The following CDH18 variants were observed in gnomAD, a reference collection of about 807,000 sequenced individuals.
The protein encoded by CDH18 is cadherin 18.
CDH18 carries 31 observed loss-of-function variants against 67.9 expected under a neutral mutation model. The observed-to-expected ratio is 0.46, with a 90% confidence interval of 0.34 to 0.62. The LOEUF (loss-of-function observed/expected upper bound fraction) is 0.62, where lower values mean the gene tolerates loss of function less well. Ranked by LOEUF, CDH18 falls within the 20% of genes least tolerant of loss-of-function variation. The pLI is 0.01. For missense variants in CDH18, 890 were observed against 975.5 expected (o/e 0.91, Z 1.17); for synonymous variants, 362 against 347.2 (o/e 1.04, Z -0.48).
rs59764100 is a variant in CDH18, at chr5:20,279,725, A to AAAAC, written c.-579-24221_-579-24220insGTTT. Among the ~76,000 whole-genome samples, 51 of 128,860 alleles carry AAAAC rather than the reference A, an allele frequency of 4.0e-4. 5 individuals carry two copies. Among genetic ancestry groups the AAAAC allele is most frequent in the Middle Eastern group, 3.8e-3 (1 of 262 alleles). 84.5% of individuals were successfully genotyped at this position (128,860 alleles called of 152,430 possible). The stretch of plus-strand genomic sequence containing the variant: ...AAAAAAAAAAAAAAAAAAAAAAAAA[A>AAAAC]AAAGCAAAAACTGTAAGAGCGAGAT... On this transcript the variant is annotated intron_variant, in intron 1 of 14. Transcript: ENST00000507958.
rs762895138 is a variant in CDH18, at chr5:19,692,832, GA to G, written c.643+28514del. ...TGTACAACAACATGGAAATTTCCCAGAAAAAAAAAACTTAAAAATAAAACTA... is the reference window on the plus strand; with the variant it reads ...TGTACAACAACATGGAAATTTCCCAGAAAAAAAAACTTAAAAATAAAACTA... On this transcript the variant is annotated intron_variant, in intron 5 of 12. Coordinates refer to ENST00000382275, the MANE Select transcript of CDH18 (RefSeq NM_004934.5). 7.1e-3 allele frequency among the ~76,000 whole-genome samples: 1,035 copies of G among 146,232 alleles called. 12 individuals are homozygous for G. The highest frequency in any genetic ancestry group is 0.025 in the African/African-American group (994 of 40,134).
chr5:20,503,978 C>T (rs547914026), intron 1 of CDH18, among the ~76,000 whole-genome samples: 21 of 151,110 alleles, frequency 1.4e-4, no homozygotes, highest in African/African-American at 4.6e-4. Flanking sequence ...GCGGAGGTTG[C>T]AGTGAGCCCA....
chr5:20,345,876 A>G (rs1740658916), intron 1 of CDH18, among the ~76,000 whole-genome samples: 1 of 152,156 alleles, frequency 6.6e-6, no homozygotes, highest in African/African-American at 2.4e-5. Context: ...GACGGGGGCC[A>G]CCCTCAAAAA....
At chr5:20,296,138 T>C (rs563341909) in intron 1 of CDH18, among the ~76,000 whole-genome samples, 1 of 151,682 alleles carries the variant, frequency 6.6e-6, no homozygotes. Context: ...CCTCCCAAAG[T>C]GCTGGGATTG....
intron 1 of CDH18, among the ~76,000 whole-genome samples, chr5:20,570,167 A>G (rs922561399): frequency 5.9e-5 from 9 of 152,202 alleles, no homozygotes; most frequent in Admixed American, 5.9e-4. Flanking sequence ...ACTCTAATAT[A>G]AACTATGAAC....
At chr5:19,733,708 A>T (rs1286199545) in intron 4 of CDH18, among the ~76,000 whole-genome samples, 1 of 152,160 alleles carries the variant, frequency 6.6e-6, no homozygotes, top group Non-Finnish European at 1.5e-5. Flanking sequence ...TCCTGGAGTC[A>T]TGGGCAAGAG....
chr5:19,553,871 T>C (rs1257490006), intron 8 of CDH18, among the ~76,000 whole-genome samples: 1 of 151,978 alleles, frequency 6.6e-6, no homozygotes, highest in Admixed American at 6.6e-5. Flanking sequence ...TGAGCTCAAA[T>C]GATCCTCTCG....
chr5:19,778,171 G>A (rs1191338272), intron 3 of CDH18, among the ~76,000 whole-genome samples: 1 of 152,044 alleles, frequency 6.6e-6, no homozygotes, highest in Non-Finnish European at 1.5e-5. Flanking sequence ...AAACTACAAA[G>A]TAGAAACAAC....
intron 1 of CDH18, among the ~76,000 whole-genome samples, chr5:20,296,151 G>GGT (rs1055572740): frequency 1.2e-4 from 18 of 151,632 alleles, no homozygotes; most frequent in African/African-American, 4.4e-4. Context: ...TGGGATTGCA[G>GGT]GTGTCAGCCA....
chr5:19,638,810 A>G (rs1753548741), intron 5 of CDH18, among the ~76,000 whole-genome samples: 1 of 151,988 alleles, frequency 6.6e-6, no homozygotes, highest in African/African-American at 2.4e-5. Flanking sequence ...TGCCCGCATC[A>G]TCCCATCACA....
intron 6 of CDH18, among the ~76,000 whole-genome samples, chr5:19,606,028 A>G (rs565102584): frequency 3.0e-4 from 45 of 152,304 alleles, no homozygotes; most frequent in African/African-American, 1.1e-3. Flanking sequence ...CAGAGATTTC[A>G]GCAGCCATGA....
intron 4 of CDH18, among the ~76,000 whole-genome samples, chr5:19,730,092 T>G (rs564930564): frequency 5.6e-4 from 85 of 152,240 alleles, no homozygotes; most frequent in African/African-American, 2.0e-3. Context: ...CAGCTCCCTT[T>G]CAGCTGCCCC....
chr5:19,514,465 G>A (rs572168738), intron 10 of CDH18, among the ~76,000 whole-genome samples: 4 of 152,220 alleles, frequency 2.6e-5, no homozygotes, highest in Admixed American at 6.5e-5. Context: ...CCCATCAACA[G>A]TGTAAAAGTG....
At chr5:20,175,061 T>G (rs950112566) in intron 2 of CDH18, among the ~76,000 whole-genome samples, 1 of 152,084 alleles carries the variant, frequency 6.6e-6, no homozygotes, top group Non-Finnish European at 1.5e-5. Flanking sequence ...TATATAAGAA[T>G]GGGTTATTTG....
At chr5:19,652,852 C>T (rs1271292045) in intron 5 of CDH18, among the ~76,000 whole-genome samples, 2 of 151,964 alleles carry the variant, frequency 1.3e-5, no homozygotes, top group Non-Finnish European at 2.9e-5. Flanking sequence ...TATAAATAAA[C>T]GTTTTCTTTA....
At chr5:19,920,893 G>GCACACACA (rs70954622) in intron 2 of CDH18, among the ~76,000 whole-genome samples, 59,350 of 145,802 alleles carry the variant, frequency 0.41, 12,883 homozygotes, top group Non-Finnish European at 0.5. Context: ...ACCCACAAGA[G>GCACACACA]CACACACACA....
intron 5 of CDH18, among the ~76,000 whole-genome samples, chr5:19,707,672 A>G (rs1764144133): frequency 6.6e-6 from 1 of 152,286 alleles, no homozygotes. Flanking sequence ...GGATGTAATC[A>G]CTCTATGACA....
At chr5:19,819,939 CTGAG>C (rs1170828671) in intron 3 of CDH18, among the ~76,000 whole-genome samples, 5 of 152,176 alleles carry the variant, frequency 3.3e-5, no homozygotes, top group African/African-American at 1.2e-4. Context: ...ATTGCCCCAG[CTGAG>C]TGTTTTTCCA....
At chr5:19,817,141 C>A (rs866703403) in intron 3 of CDH18, among the ~76,000 whole-genome samples, 2 of 151,754 alleles carry the variant, frequency 1.3e-5, no homozygotes, top group South Asian at 4.1e-4. Flanking sequence ...ACTCATAATA[C>A]AAGAAATATA....
Sources: allele counts gnomAD v4.1 joint callset (sites outside exome capture counted in the v4.1 genomes callset), GRCh38; gene constraint gnomAD v4.1.1; transcripts MANE v1.5; gene names NCBI Gene and HGNC (gene_info 2026-07-23, HGNC 2026-07-21).